UNC80: variants seen among roughly 807,000 people sequenced by gnomAD.
The protein encoded by UNC80 is unc-80 subunit of NALCN channel complex, also known as protein unc-80 homolog.
UNC80 carries 164 observed loss-of-function variants against 384.6 expected under a neutral mutation model. The observed-to-expected ratio is 0.43, with a 90% CI of 0.38 to 0.49. The LOEUF (loss-of-function observed/expected upper bound fraction) is 0.49. Among genes scored for constraint, UNC80 ranks in the 20% least tolerant of loss-of-function variants. UNC80 has a pLI of 0.00. For synonymous variants in UNC80, 1,486 were observed against 1,527.8 expected, an observed-to-expected ratio of 0.97 and a Z score of 0.64; for missense variants, 3,330 against 4,143.0, an observed-to-expected ratio of 0.80 and a Z score of 5.39.
At chr2:209,931,552 T>G (rs2090874549) in intron 38 of UNC80, among the ~76,000 whole-genome samples, 1 of 152,206 alleles carries the variant, frequency 6.6e-6, no homozygotes, top group Non-Finnish European at 1.5e-5. Flanking sequence ...ATTCTTTTTT[T>G]AAACCCCAGA....
At chr2:209,772,556 T>C (rs2076634701) in intron 1 of UNC80, among the ~76,000 whole-genome samples, 1 of 152,114 alleles carries the variant, frequency 6.6e-6, no homozygotes, top group Non-Finnish European at 1.5e-5. Context: ...AGCTCCTGTT[T>C]GGCGAATATC....
At chr2:209,843,276 T>C (rs2081903310) in intron 21 of UNC80, among the ~76,000 whole-genome samples, 2 of 152,212 alleles carry the variant, frequency 1.3e-5, no homozygotes, top group Admixed American at 6.5e-5. Flanking sequence ...GAGGACTACA[T>C]GAAGTATATG....
At position 209,943,361 on chromosome 2, in the gene UNC80, A is replaced by G. The variant is rs149664514; in HGVS notation, c.6916-19A>G. ...TACTTCATTAAGGCATTTTTTGAAT[A>G]TCTGGCATTTTTCCATAGGTGTACT... On this transcript the variant is annotated intron_variant, in intron 44 of 64. Coordinates refer to ENST00000673920, the MANE Select transcript of UNC80 (RefSeq NM_001371986.1). The G allele has an allele frequency of 1.9e-5, 29 of 1,550,430 alleles. No individual in the cohort carries two copies. Among genetic ancestry groups the G allele is most frequent in the East Asian group, 1.5e-4 (6 of 40,902 alleles).
chr2:209,836,955 A>T lies in UNC80; in HGVS notation c.3041+1945A>T, dbSNP rs888604755. On this transcript the variant is annotated intron_variant, in intron 18 of 64. Coordinates refer to ENST00000673920, the MANE Select transcript of UNC80 (RefSeq NM_001371986.1). ...CCTCCCCAGATGTTTTTCCAGCCAG[A>T]CTACATAGTCATACACGTATCATGC... 3.9e-5 allele frequency among the ~76,000 whole-genome samples: 6 copies of T among 152,338 alleles called. No homozygotes were observed. The East Asian group carries it at 1.2e-3, about 29-fold the overall frequency.
intron 47 of UNC80, among the ~76,000 whole-genome samples, chr2:209,952,993 A>C (rs896142334): frequency 3.9e-5 from 6 of 152,098 alleles, no homozygotes; most frequent in African/African-American, 1.4e-4. Context: ...CATAGCAAAA[A>C]CTCATTGGTA....
Position 209,788,920 on chromosome 2 carries a change from C to T in UNC80, c.725-612C>T, listed in dbSNP as rs148365322. Among the ~76,000 whole-genome samples, 19 of 152,134 alleles carry T rather than the reference C, an allele frequency of 1.2e-4. 1 individual carries two copies. The East Asian group carries it at 3.7e-3, about 29-fold the overall frequency. ...GCAAGCTCCATTCATGGTAAGTGCT[C>T]TATATAGGTGTATAATTTGTTATCT... is the stretch of plus-strand genomic sequence containing the variant. On this transcript the variant is annotated intron_variant, in intron 5 of 64. Coordinates refer to ENST00000673920, the MANE Select transcript of UNC80 (RefSeq NM_001371986.1).
At chr2:209,802,375 A>G (rs2153826385) in intron 7 of UNC80, among the ~76,000 whole-genome samples, 1 of 152,238 alleles carries the variant, frequency 6.6e-6, no homozygotes, top group East Asian at 1.9e-4. Context: ...TAATCATGCC[A>G]TAATATGAAC....
At chr2:209,986,538 T>C (rs2093292400) in intron 61 of UNC80, among the ~76,000 whole-genome samples, 1 of 152,218 alleles carries the variant, frequency 6.6e-6, no homozygotes, top group African/African-American at 2.4e-5. Flanking sequence ...TGAGACTGGT[T>C]CAGAGCCAAA....
chr2:209,883,285 A>G (rs187628693), intron 25 of UNC80, among the ~76,000 whole-genome samples: 58 of 152,232 alleles, frequency 3.8e-4, no homozygotes, highest in African/African-American at 1.3e-3. Context: ...TTAAGTGTAT[A>G]ATATGTTATT....
chr2:209,888,068 C>G (rs1434500004), intron 25 of UNC80, 27 bp from the exon 26 acceptor site: 4 of 1,551,348 alleles, frequency 2.6e-6, no homozygotes, highest in East Asian at 2.4e-5. Context: ...GATGCCAGCA[C>G]TCATGTGCTC....
intron 26 of UNC80, among the ~76,000 whole-genome samples, chr2:209,892,441 C>T (rs559893410): frequency 6.6e-6 from 1 of 152,316 alleles, no homozygotes; most frequent in African/African-American, 2.4e-5. Flanking sequence ...TAAATTCTAA[C>T]TGCTGTGCTC....
intron 63 of UNC80, among the ~76,000 whole-genome samples, chr2:209,993,668 G>A (rs1266208981): frequency 6.6e-6 from 1 of 152,106 alleles, no homozygotes; most frequent in Non-Finnish European, 1.5e-5. Context: ...CACTAATACT[G>A]GGAAATTTGA....
Position 209,777,570 on chromosome 2 carries a change from AC to A in UNC80, c.600+14del, listed in dbSNP as rs758485689. On this transcript the variant is annotated intron_variant, in intron 4 of 64. Transcript: ENST00000673920. ...GTACACAGGATCAAGGTAAGCAGAA[AC>A]CCAGTGTTAGAGCTGGAGTGGGTGG... is the stretch of plus-strand genomic sequence containing the variant. 1 of 1,593,600 alleles carries A rather than the reference AC, an allele frequency of 6.3e-7. No homozygotes were observed. The highest frequency in any genetic ancestry group is 2.2e-5 in the East Asian group (1 of 44,748).
At chr2:209,832,749 C>CT (rs1002574408) in intron 16 of UNC80, among the ~76,000 whole-genome samples, 6 of 152,132 alleles carry the variant, frequency 3.9e-5, no homozygotes, top group South Asian at 2.1e-4. Flanking sequence ...GCTTATACAT[C>CT]TTTTTTTACA....
At chr2:209,895,708 A>G (rs2086738216) in intron 27 of UNC80, among the ~76,000 whole-genome samples, 1 of 152,242 alleles carries the variant, frequency 6.6e-6, no homozygotes, top group East Asian at 1.9e-4. Context: ...TTTGTTGTGT[A>G]GTCTACCAAG....
chr2:209,937,500 T>C (rs1317084547), intron 41 of UNC80, 29 bp from the exon 42 acceptor site: 2 of 1,476,884 alleles, frequency 1.4e-6, no homozygotes, highest in Admixed American at 2.0e-5. Context: ...TTGAACTCTT[T>C]TTTTTGTCTC....
chr2:209,872,148 T>G lies in UNC80; in HGVS notation c.3628-610T>G, dbSNP rs1403192611. On this transcript the variant is annotated intron_variant, in intron 22 of 64. Transcript: ENST00000673920. The surrounding 1 kb of genome is among the most constrained non-coding windows in gnomAD (Gnocchi z 4.1). ...CTGGGACTACAAGCACGCTCCACCA[T>G]GCCTGACTAATTTTTTGTATTTTTA... 6.6e-6 allele frequency among the ~76,000 whole-genome samples: 1 copy of G among 152,098 alleles called. No homozygotes were observed. Among genetic ancestry groups the G allele is most frequent in the Non-Finnish European group, 1.5e-5 (1 of 68,000 alleles).
Position 209,999,052 on chromosome 2 carries a change from G to A in UNC80, c.*3457G>A, listed in dbSNP as rs1265640460. ...ATTTACCTCCATAAATCTTTGAATT[G>A]TCACTGTGACCACAGGATGAAAATC... is the stretch of plus-strand genomic sequence containing the variant. On this transcript the variant is annotated 3_prime_UTR_variant, in exon 65 of 65. Coordinates refer to ENST00000673920, the MANE Select transcript of UNC80 (RefSeq NM_001371986.1). 2 of 152,132 alleles carry A rather than the reference G, an allele frequency of 1.3e-5. No individual in the cohort carries two copies. Among genetic ancestry groups the A allele is most frequent in the Non-Finnish European group, 2.9e-5 (2 of 68,040 alleles). 9.4% of individuals were successfully genotyped at this position (152,132 alleles called of 1,614,324 possible).
At chr2:209,859,202 A>G (rs1243844336) in intron 22 of UNC80, among the ~76,000 whole-genome samples, 2 of 151,878 alleles carry the variant, frequency 1.3e-5, no homozygotes, top group African/African-American at 4.8e-5. Context: ...CCATCCCCCA[A>G]CAGGCCCTGG....
Sources: gnomAD v4.1 joint callset for allele counts (sites outside exome capture counted in the v4.1 genomes callset) on GRCh38, gnomAD v4.1.1 for gene constraint, Gnocchi (gnomAD v3.1) non-coding constraint, MANE v1.5 for transcripts, NCBI Gene and HGNC (gene_info 2026-07-23, HGNC 2026-07-21) for gene names.